DDHD2: variants seen among roughly 807,000 people sequenced by gnomAD.
DDHD2 encodes the protein triacylglycerol hydrolase DDHD2.
In DDHD2, 62 loss-of-function variants were observed where a neutral mutation model predicts 91.2. The ratio of observed to expected loss-of-function variants is 0.68; its 90% confidence interval spans 0.55 to 0.84. DDHD2 has a LOEUF of 0.84. DDHD2 is among the 40% of genes least tolerant of loss of function. DDHD2 has a pLI of 0.00. For missense variants in DDHD2, 740 were observed against 846.9 expected (o/e 0.87, Z 1.57); for synonymous variants, 271 against 293.9 (o/e 0.92, Z 0.80).
chr8:38,234,656 T>A, intron 3 of DDHD2, 72 bp downstream of exon 3: 1 of 1,326,372 alleles, frequency 7.5e-7, no homozygotes, highest in Non-Finnish European at 1.0e-6. Context: ...CCTTTGTAAT[T>A]TATTTTGTGA....
At chr8:38,249,663 T>G in intron 10 of DDHD2, 45 bp from the exon 11 acceptor site, 2 of 1,441,924 alleles carry the variant, frequency 1.4e-6, no homozygotes, top group South Asian at 2.4e-5. Context: ...CAGGATTGAT[T>G]TTATTTTGTC....
intron 3 of DDHD2, among the ~76,000 whole-genome samples, chr8:38,235,250 T>C (rs1804621292): frequency 6.6e-6 from 1 of 152,068 alleles, no homozygotes; most frequent in Non-Finnish European, 1.5e-5. Flanking sequence ...CCTACTGATT[T>C]TTATTAGAGA....
In DDHD2 at chr8:38,237,481, G is replaced by A. The variant is rs932535325; in HGVS notation, c.412-57G>A. 1.1e-5 allele frequency: 9 copies of A among 791,148 alleles called. No individual in the cohort carries two copies. In the Admixed American group the frequency reaches 1.4e-4, roughly 12 times the overall value. The allele number at this position is 791,148 out of a possible 1,614,324, so 49.0% of individuals were successfully genotyped here. On this transcript the variant is annotated intron_variant, in intron 3 of 17. Coordinates refer to ENST00000397166, the MANE Select transcript of DDHD2 (RefSeq NM_015214.3). Reference sequence around the variant, plus strand: ...TAATACATAGTATTCTTGTTAATAGGTTCAGTTTAATAGGAAAGCTACTAG... The same window carrying A: ...TAATACATAGTATTCTTGTTAATAGATTCAGTTTAATAGGAAAGCTACTAG...
intron 3 of DDHD2, among the ~76,000 whole-genome samples, chr8:38,237,043 C>T (rs1027433802): frequency 3.3e-5 from 5 of 152,046 alleles, no homozygotes; most frequent in Non-Finnish European, 5.9e-5. Flanking sequence ...TATTTTTCCC[C>T]CTTTGTCCTG....
chr8:38,259,433 T>A (rs1439541390), intron 16 of DDHD2, among the ~76,000 whole-genome samples: 1 of 151,630 alleles, frequency 6.6e-6, no homozygotes, highest in African/African-American at 2.4e-5. Flanking sequence ...TCTGCCAGGC[T>A]GGAGTGCAGT....
downstream of DDHD2, chr8:38,265,100 T>C (rs558154383): frequency 7.8e-5 from 48 of 613,410 alleles, no homozygotes; most frequent in Non-Finnish European, 1.3e-4. Context: ...ACCCTGTCTC[T>C]ACTAAAAATA....
intron 5 of DDHD2, chr8:38,238,856 A>G: frequency 3.2e-6 from 1 of 312,800 alleles, no homozygotes. Flanking sequence ...ACATTATGGT[A>G]TTAAAGGGTT....
At chr8:38,250,747 G>C (rs920054979) in intron 11 of DDHD2, 1 of 151,862 alleles carries the variant, frequency 6.6e-6, no homozygotes, top group Non-Finnish European at 1.5e-5. Context: ...TATTCATAGA[G>C]TTATGTAACC....
downstream of DDHD2, chr8:38,272,976 A>C (rs1808518572): frequency 6.6e-6 from 1 of 152,224 alleles, no homozygotes; most frequent in African/African-American, 2.4e-5. Context: ...CAGCATGACT[A>C]AAACCGCTTT....
At chr8:38,266,289 A>G (rs773236675), downstream of DDHD2, 1 of 1,613,314 alleles carries the variant, frequency 6.2e-7, no homozygotes, top group Admixed American at 1.7e-5. Context: ...AGAAGGACGC[A>G]AAGGCCAGAC....
chr8:38,249,455 GTT>G lies in DDHD2; in HGVS notation c.1249-236_1249-235del, dbSNP rs74689881. ...AAGTCCTTAGATACCCAACTTCTCT[GTT>G]TTTTTTTTTTTTTTTTAACAATAAC... On this transcript the variant is annotated intron_variant, in intron 10 of 17. Transcript: ENST00000397166. 1.6e-3 allele frequency among the ~76,000 whole-genome samples: 178 copies of G among 108,616 alleles called. 1 individual carries two copies. The highest frequency in any genetic ancestry group is 5.0e-3 in the African/African-American group (152 of 30,208). The allele number at this position is 108,616 out of a possible 152,430, so 71.3% of individuals were successfully genotyped here.
intron 1 of DDHD2, chr8:38,268,938 A>ATCCT: frequency 6.4e-7 from 1 of 1,563,272 alleles, no homozygotes; most frequent in Non-Finnish European, 8.6e-7. Context: ...CGGTAGAGCC[A>ATCCT]CATCTCCTCC....
rs567237492 is a variant in DDHD2 at position 38,248,778 on chromosome 8, G to A, written c.1249-930G>A. On this transcript the variant is annotated intron_variant, in intron 10 of 17. Transcript: ENST00000397166. ...TAGTCAACATGGTGAAACCCTGTCTGTACTAAAAATACAAAAATTAGCTGG... is the reference window on the plus strand; with the variant it reads ...TAGTCAACATGGTGAAACCCTGTCTATACTAAAAATACAAAAATTAGCTGG... Among the ~76,000 whole-genome samples the A allele has an allele frequency of 3.1e-4, 47 of 151,498 alleles. 1 individual carries two copies. The South Asian group carries it at 9.9e-3, about 32-fold the overall frequency.
intron 10 of DDHD2, among the ~76,000 whole-genome samples, chr8:38,248,941 TCTC>T (rs1308658294): frequency 4.8e-5 from 6 of 125,584 alleles, no homozygotes; most frequent in Non-Finnish European, 9.7e-5. Flanking sequence ...CAAGACTCCA[TCTC>T]AAAAAAAAAA....
intron 6 of DDHD2, among the ~76,000 whole-genome samples, chr8:38,240,921 A>C (rs1378917698): frequency 2.0e-5 from 3 of 152,070 alleles, no homozygotes; most frequent in Non-Finnish European, 4.4e-5. Flanking sequence ...AAATACAAAA[A>C]TTAGCCGGGC....
chr8:38,268,861 A>C (rs768175120), intron 1 of DDHD2: 1 of 1,537,186 alleles, frequency 6.5e-7, no homozygotes, highest in Non-Finnish European at 8.7e-7. Context: ...GAGGGAGGAA[A>C]GACGATCTTT....
At chr8:38,234,219 G>T (rs538547060) in intron 2 of DDHD2, among the ~76,000 whole-genome samples, 175 bp from the exon 3 acceptor site, 1 of 152,242 alleles carries the variant, frequency 6.6e-6, no homozygotes, top group African/African-American at 2.4e-5. Context: ...TTGACGGTTT[G>T]TAAAGTAGGT....
At chr8:38,256,759 A>G (rs1019615536) in intron 16 of DDHD2, among the ~76,000 whole-genome samples, 3 of 152,166 alleles carry the variant, frequency 2.0e-5, no homozygotes, top group Non-Finnish European at 2.9e-5. Context: ...ATTCATGTAT[A>G]AGACTTTACA....
intron 10 of DDHD2, among the ~76,000 whole-genome samples, 165 bp from the exon 11 acceptor site, chr8:38,249,543 G>C (rs968294605): frequency 2.0e-5 from 3 of 149,988 alleles, no homozygotes; most frequent in Non-Finnish European, 4.4e-5. Context: ...TCTTTTTTAG[G>C]CTGTTTCATG....
Sources: allele counts gnomAD v4.1 joint callset (sites outside exome capture counted in the v4.1 genomes callset), GRCh38; gene constraint gnomAD v4.1.1; transcripts MANE v1.5; gene names NCBI Gene and HGNC (gene_info 2026-07-23, HGNC 2026-07-21).